Variants in CDKAL1 observed in about 807,000 individuals in gnomAD.
CDKAL1 encodes CDKAL1 threonylcarbamoyladenosine tRNA methylthiotransferase, also known as threonylcarbamoyladenosine tRNA methylthiotransferase.
Under a neutral mutation model 68.2 loss-of-function variants are expected in CDKAL1, and 32 were observed. That is an observed-to-expected ratio of 0.47 (90% CI 0.35 to 0.63). The LOEUF (loss-of-function observed/expected upper bound fraction) is 0.63, where lower values mean the gene tolerates loss of function less well. CDKAL1 is among the 30% of genes least tolerant of loss of function. The pLI, the probability that CDKAL1 is intolerant of heterozygous loss-of-function variation, is 0.00. For synonymous variants in CDKAL1, 234 were observed against 244.3 expected, an observed-to-expected ratio of 0.96 and a Z score of 0.39; for missense variants, 606 against 696.7, an observed-to-expected ratio of 0.87 and a Z score of 1.47.
At chr6:21,079,224 G>A (rs1050881299) in intron 12 of CDKAL1, among the ~76,000 whole-genome samples, 1 of 152,194 alleles carries the variant, frequency 6.6e-6, no homozygotes, top group Non-Finnish European at 1.5e-5. Flanking sequence ...GTCAATAAAT[G>A]AGTCAGGTAC....
At chr6:20,567,046 TG>T (rs1157548620) in intron 4 of CDKAL1, among the ~76,000 whole-genome samples, 1 of 152,060 alleles carries the variant, frequency 6.6e-6, no homozygotes, top group Non-Finnish European at 1.5e-5. Flanking sequence ...GAAAGTGTAA[TG>T]TTCTTTTCGC....
At chr6:20,604,441 T>C (rs1482958773) in intron 4 of CDKAL1, among the ~76,000 whole-genome samples, 1 of 152,212 alleles carries the variant, frequency 6.6e-6, no homozygotes, top group Non-Finnish European at 1.5e-5. Context: ...GGCAAAGATA[T>C]ATTCTCACAG....
rs558744434 is a variant in CDKAL1 at position 20,881,131 on chromosome 6, G to A, written c.742+34953G>A. On this transcript the variant is annotated intron_variant, in intron 9 of 15. Transcript: ENST00000274695. ...CCAAACCAACAGCATTGGCATCTTG[G>A]TTCTCAAACATTAAGGAACAGCACA... Among the ~76,000 whole-genome samples the A allele has an allele frequency of 6.6e-5, 10 of 152,274 alleles. 1 individual carries two copies. Among genetic ancestry groups the A allele is most frequent in the African/African-American group, 2.4e-4 (10 of 41,564 alleles).
intron 9 of CDKAL1, among the ~76,000 whole-genome samples, chr6:20,909,877 C>T (rs1177471775): frequency 6.6e-6 from 1 of 152,056 alleles, no homozygotes; most frequent in Non-Finnish European, 1.5e-5. Context: ...ATGAGTTTAG[C>T]GGGTTTGCAC....
chr6:20,546,070 A>G (rs918463513), intron 2 of CDKAL1, among the ~76,000 whole-genome samples: 3 of 152,242 alleles, frequency 2.0e-5, no homozygotes, highest in Non-Finnish European at 4.4e-5. Context: ...ACTTTTTCCT[A>G]CTTGACATTG....
chr6:20,745,087 A>C (rs1303464982), intron 6 of CDKAL1, among the ~76,000 whole-genome samples: 1 of 152,250 alleles, frequency 6.6e-6, no homozygotes, highest in Non-Finnish European at 1.5e-5. Context: ...TGGAGAGCTG[A>C]ACAGAAATGT....
At position 21,232,025 on chromosome 6, in the gene CDKAL1, G is replaced by A. The variant is rs1367358979; in HGVS notation, c.*986G>A. ...TTTGTTTTTGTTTTTTTTTTTTTTT[G>A]AGTCAAGGTCTCACTCTGTCACCCT... On this transcript the variant is annotated 3_prime_UTR_variant, in exon 16 of 16. Coordinates refer to ENST00000274695, the MANE Select transcript of CDKAL1 (RefSeq NM_017774.3). 2 of 36,654 alleles carry A rather than the reference G, an allele frequency of 5.5e-5. No individual in the cohort carries two copies. Among genetic ancestry groups the A allele is most frequent in the Non-Finnish European group, 1.3e-4 (2 of 15,556 alleles). The allele number at this position is 36,654 out of a possible 1,614,324, so 2.3% of individuals were successfully genotyped here.
At chr6:20,874,128 G>A (rs1056397906) in intron 9 of CDKAL1, among the ~76,000 whole-genome samples, 1 of 152,108 alleles carries the variant, frequency 6.6e-6, no homozygotes, top group Non-Finnish European at 1.5e-5. Flanking sequence ...GAGTTAGGGG[G>A]AGATGGCTAA....
At chr6:20,913,714 C>T (rs1284416622) in intron 9 of CDKAL1, among the ~76,000 whole-genome samples, 1 of 152,210 alleles carries the variant, frequency 6.6e-6, no homozygotes, top group Admixed American at 6.5e-5. Context: ...TTGGTGATGG[C>T]TTATCCCTGT....
chr6:20,905,682 G>A (rs921003180), intron 9 of CDKAL1, among the ~76,000 whole-genome samples: 1 of 151,962 alleles, frequency 6.6e-6, no homozygotes, highest in African/African-American at 2.4e-5. Flanking sequence ...TCTTGAAAAC[G>A]GCAAGAGAGA....
chr6:20,821,494 C>G (rs562722391), intron 8 of CDKAL1, among the ~76,000 whole-genome samples: 1 of 152,152 alleles, frequency 6.6e-6, no homozygotes, highest in Non-Finnish European at 1.5e-5. Flanking sequence ...TTCTTTCCTC[C>G]ATAGCACTTA....
chr6:21,106,939 A>AC (rs1291940532), intron 12 of CDKAL1, among the ~76,000 whole-genome samples: 3 of 93,306 alleles, frequency 3.2e-5, no homozygotes, highest in African/African-American at 4.4e-5. Flanking sequence ...GGAGAAAGCC[A>AC]CTTTTTTTTT....
intron 9 of CDKAL1, among the ~76,000 whole-genome samples, chr6:20,923,711 T>G (rs1195735922): frequency 6.6e-6 from 1 of 152,186 alleles, no homozygotes; most frequent in Non-Finnish European, 1.5e-5. Flanking sequence ...GTCTCTCACT[T>G]TTTGTCAAAA....
chr6:20,796,514 A>G (rs887234564), intron 8 of CDKAL1, among the ~76,000 whole-genome samples: 1 of 152,158 alleles, frequency 6.6e-6, no homozygotes, highest in African/African-American at 2.4e-5. Context: ...AAGGCAAGGG[A>G]AGTAGAGTTA....
chr6:20,810,535 T>C (rs1008266147), intron 8 of CDKAL1, among the ~76,000 whole-genome samples: 4 of 151,354 alleles, frequency 2.6e-5, no homozygotes, highest in African/African-American at 9.7e-5. Context: ...AGTTCCAGGC[T>C]GCAGTGAGCT....
chr6:20,921,381 T>G (rs1561885977), intron 9 of CDKAL1, among the ~76,000 whole-genome samples: 1 of 152,226 alleles, frequency 6.6e-6, no homozygotes, highest in East Asian at 1.9e-4. Flanking sequence ...GTGAGCCAAG[T>G]GCACCACTGC....
rs201948224 is a variant in CDKAL1, at chr6:20,839,115, TC to T, written c.639-6955del. ...AGAGGCCATTTTCTTGCTTTTTTTT[TC>T]CCCCTGTACATCTTTAATTCTAAAG... On this transcript the variant is annotated intron_variant, in intron 8 of 15. Transcript: ENST00000274695. Among the ~76,000 whole-genome samples, 157 of 152,136 alleles carry T rather than the reference TC, an allele frequency of 1.0e-3. 2 individuals carry two copies. The East Asian group carries it at 0.028, about 27-fold the overall frequency.
chr6:20,808,875 A>G (rs1049057170), intron 8 of CDKAL1, among the ~76,000 whole-genome samples: 2 of 152,194 alleles, frequency 1.3e-5, no homozygotes, highest in Non-Finnish European at 2.9e-5. Flanking sequence ...GACTCTGGTC[A>G]CTAAGTAACT....
intron 4 of CDKAL1, among the ~76,000 whole-genome samples, chr6:20,569,776 G>C (rs1764621886): frequency 6.6e-6 from 1 of 152,144 alleles, no homozygotes; most frequent in Non-Finnish European, 1.5e-5. Context: ...AGAATCAGTA[G>C]AATTTTTTTC....
Sources: gnomAD v4.1 joint callset for allele counts (sites outside exome capture counted in the v4.1 genomes callset) on GRCh38, gnomAD v4.1.1 for gene constraint, MANE v1.5 for transcripts, NCBI Gene and HGNC (gene_info 2026-07-23, HGNC 2026-07-21) for gene names.